Variants in NLRC5 observed in about 807,000 individuals in gnomAD.
NLRC5 encodes protein NLRC5.
A neutral mutation model predicts 206.9 loss-of-function variants in NLRC5; 114 were observed. That is an observed-to-expected ratio of 0.55 (90% CI 0.47 to 0.64). The LOEUF (loss-of-function observed/expected upper bound fraction) is 0.64, where lower values mean the gene tolerates loss of function less well. Ranked by LOEUF, NLRC5 falls within the 30% of genes least tolerant of loss-of-function variation. NLRC5 has a pLI of 0.00. For synonymous variants in NLRC5, 952 were observed against 962.8 expected (o/e 0.99, Z 0.21); for missense variants, 2,008 against 2,305.5 (o/e 0.87, Z 2.64).
At chr16:57,008,664 T>C (rs1003663646) in intron 1 of NLRC5, among the ~76,000 whole-genome samples, 28 of 152,322 alleles carry the variant, frequency 1.8e-4, no homozygotes, top group African/African-American at 6.3e-4. Flanking sequence ...CAAATTATAA[T>C]TTCAATCTAC....
intron 1 of NLRC5, among the ~76,000 whole-genome samples, chr16:57,001,532 C>T (rs373042182): frequency 4.6e-5 from 7 of 152,198 alleles, no homozygotes; most frequent in Non-Finnish European, 8.8e-5. Context: ...GCTGGAGAGA[C>T]GGAAGAAGCG....
rs552935621 is a variant in NLRC5, at chr16:57,031,564, G to T, written c.2477+101G>T. ...GACCAAGAGACTAGGAAGAGCTGGG[G>T]TATGGGAATTCTTCCTGCTACTGCT... On this transcript the variant is annotated intron_variant, in intron 11 of 48. Transcript: ENST00000688547. 115 of 1,126,230 alleles carry T rather than the reference G, an allele frequency of 1.0e-4. No homozygotes were observed. In the African/African-American group the frequency reaches 1.3e-3, roughly 13 times the overall value. The allele number at this position is 1,126,230 out of a possible 1,614,324, so 69.8% of individuals were successfully genotyped here. A position where few individuals can be genotyped will look rare whatever the true frequency, so the allele number is the denominator to read the frequency against.
At position 57,026,127 on chromosome 16, in the gene NLRC5, C is replaced by A; in HGVS notation, c.1184C>A (p.Thr395Lys). 1 of 1,614,130 alleles carries A rather than the reference C, an allele frequency of 6.2e-7. No homozygotes were observed. The highest frequency in any genetic ancestry group is 2.2e-5 in the East Asian group (1 of 44,886). ...SREGALVELQ[T>K]NGRLRSLCAV... is the part of the protein sequence containing the mutation. Reference sequence around the variant, plus strand: ...GAGGGGGCCCTGGTGGAGTTACAGACAAATGGACGTCTCCGAAGCCTGTGT... The same window carrying A: ...GAGGGGGCCCTGGTGGAGTTACAGAAAAATGGACGTCTCCGAAGCCTGTGT... The change falls in exon 6 of 49, where the codon ACA (threonine) becomes AAA (lysine). Residue 395 changes from threonine (T) to lysine (K), a missense_variant. By Grantham distance (78) the Thr-to-Lys change is moderately conservative. Coordinates refer to ENST00000688547, the MANE Select transcript of NLRC5 (RefSeq NM_001384950.1).
chr16:57,078,480 T>TTTTTTG (rs2068716970), intron 43 of NLRC5, among the ~76,000 whole-genome samples: 1 of 146,572 alleles, frequency 6.8e-6, no homozygotes, highest in Admixed American at 6.7e-5. Context: ...TTTTTTTTTT[T>TTTTTTG]TTTTTTTTTT....
intron 1 of NLRC5, among the ~76,000 whole-genome samples, chr16:57,015,920 C>A (rs1285616752): frequency 1.6e-4 from 5 of 31,968 alleles, no homozygotes; most frequent in Admixed American, 4.9e-4. Context: ...AATGAAACTC[C>A]ATCTCAAAAA....
chr16:57,041,216 TTCCTCTGATCTGC>T, intron 17 of NLRC5: 1 of 482,392 alleles, frequency 2.1e-6, no homozygotes, highest in East Asian at 3.5e-5. Context: ...CTTATCTGTC[TTCCTCTGATCTGC>T]TCTCTCTCTC....
At chr16:57,066,499 G>A in intron 33 of NLRC5, 35 bp from the exon 34 acceptor site, 1 of 1,605,626 alleles carries the variant, frequency 6.2e-7, no homozygotes, top group Non-Finnish European at 8.5e-7. Context: ...GGGGAAGGCT[G>A]CCCGACCTCA....
intron 21 of NLRC5, among the ~76,000 whole-genome samples, 165 bp downstream of exon 21, chr16:57,045,657 C>A (rs577751608): frequency 3.9e-5 from 6 of 152,300 alleles, no homozygotes; most frequent in East Asian, 1.9e-4. Context: ...CCGCCCCCCC[C>A]ATAAATTGTC....
Position 57,026,658 on chromosome 16 carries a change from C to T in NLRC5, c.1715C>T (p.Thr572Ile), listed in dbSNP as rs544882810. 9 of 1,614,046 alleles carry T rather than the reference C, an allele frequency of 5.6e-6. No homozygotes were observed. In the South Asian group the frequency reaches 7.7e-5, roughly 14 times the overall value. Reference protein sequence around the residue: ...PTFLAGLASCTCRPFLSHLAQ... With the variant: ...PTFLAGLASCICRPFLSHLAQ... ...TTCCTGGCGGGCCTGGCATCCTGCA[C>T]CTGCCGCCCCTTCCTTAGCCACCTG... The change falls in exon 6 of 49, where the codon ACC (threonine) becomes ATC (isoleucine). Residue 572 changes from threonine to isoleucine, a missense_variant. Thr to Ile is a moderately conservative substitution (Grantham distance 89). Coordinates refer to ENST00000688547, the MANE Select transcript of NLRC5 (RefSeq NM_001384950.1).
At position 56,994,318 on chromosome 16, in the gene NLRC5, GGAATGC is replaced by G. The variant is rs2057335005; in HGVS notation, c.-128+4702_-128+4707del. 5.9e-5 allele frequency among the ~76,000 whole-genome samples: 9 copies of G among 152,328 alleles called. No individual in the cohort carries two copies. The South Asian group carries it at 1.7e-3, about 28-fold the overall frequency. The stretch of plus-strand genomic sequence containing the variant: ...CAAAAGGGCATTTTCGGTGAGTCCA[GGAATGC>G]CCTCTGCTCCGTGTGAGGCAGGTAC... On this transcript the variant is annotated intron_variant, in intron 1 of 48. Transcript: ENST00000688547.
At chr16:57,013,022 A>G (rs907391164) in intron 1 of NLRC5, 4 of 166,370 alleles carry the variant, frequency 2.4e-5, no homozygotes, top group Non-Finnish European at 4.0e-5. Flanking sequence ...ATATTTTTAT[A>G]CTACAAAGTG....
intron 1 of NLRC5, among the ~76,000 whole-genome samples, chr16:57,003,038 TA>T (rs1239004809): frequency 7.0e-6 from 1 of 143,568 alleles, no homozygotes; most frequent in African/African-American, 2.5e-5. Flanking sequence ...TTTCTCCACA[TA>T]GATTGAGGTG....
chr16:57,069,209 T>C (rs758843110), intron 36 of NLRC5, among the ~76,000 whole-genome samples: 1 of 152,244 alleles, frequency 6.6e-6, no homozygotes, highest in Non-Finnish European at 1.5e-5. Context: ...CAGCCGTTAA[T>C]AAATCTTACT....
intron 40 of NLRC5, 87 bp downstream of exon 40, chr16:57,076,989 G>A: frequency 8.6e-7 from 1 of 1,169,386 alleles, no homozygotes; most frequent in Non-Finnish European, 1.3e-6. Flanking sequence ...CACGCCCTTT[G>A]CTTCTTCATC....
chr16:57,047,579 AC>A lies in NLRC5; in HGVS notation c.3376del (p.Arg1126AlafsTer6). ...SECPLEPPSL[T>X]RLCATLKDCP... ...GTGTCCTCTGGAGCCCCCAAGCCTC[AC>A]CCGCCTCTGTGCCACTCTGAAGGAC... On this transcript the variant is annotated frameshift_variant, in exon 23 of 49. Transcript: ENST00000688547. LOFTEE classifies it high-confidence loss of function. 1 of 1,603,294 alleles carries A rather than the reference AC, an allele frequency of 6.2e-7. No homozygotes were observed. Among genetic ancestry groups the A allele is most frequent in the South Asian group, 1.1e-5 (1 of 89,646 alleles).
chr16:57,000,053 G>A (rs1480201030), intron 1 of NLRC5, among the ~76,000 whole-genome samples: 4 of 152,178 alleles, frequency 2.6e-5, no homozygotes, highest in Admixed American at 6.5e-5. Context: ...CCCAGGTGAT[G>A]CCGTCGTGCA....
At chr16:57,066,262 A>G (rs2067069586) in intron 33 of NLRC5, among the ~76,000 whole-genome samples, 1 of 151,790 alleles carries the variant, frequency 6.6e-6, no homozygotes, top group South Asian at 2.1e-4. Context: ...GATCGTGCCC[A>G]CCACTGCACT....
chr16:57,007,559 T>C (rs1402925249), intron 1 of NLRC5, among the ~76,000 whole-genome samples: 8 of 150,822 alleles, frequency 5.3e-5, no homozygotes, highest in Admixed American at 4.7e-4. Context: ...TCAGTCTCTA[T>C]TAAAAATACA....
In NLRC5 at chr16:56,991,678, CTTTTTTTTTTT is replaced by C. The variant is rs35559322; in HGVS notation, c.-128+2074_-128+2084del. On this transcript the variant is annotated intron_variant, in intron 1 of 48. Coordinates refer to ENST00000688547, the MANE Select transcript of NLRC5 (RefSeq NM_001384950.1). Reference sequence around the variant, plus strand: ...GGCGTGAGCCATCTTGCCCGGACTCCTTTTTTTTTTTTTTTTTTTTTTTAATAGACATGAGG... The same window carrying C: ...GGCGTGAGCCATCTTGCCCGGACTCCTTTTTTTTTTTTAATAGACATGAGG... Among the ~76,000 whole-genome samples the C allele has an allele frequency of 4.7e-5, 5 of 105,648 alleles. No individual in the cohort carries two copies. The Admixed American group carries it at 5.4e-4, about 11-fold the overall frequency. 69.3% of individuals were successfully genotyped at this position (105,648 alleles called of 152,430 possible). A position where few individuals can be genotyped will look rare whatever the true frequency, so the allele number is the denominator to read the frequency against.
Sources: allele counts gnomAD v4.1 joint callset (sites outside exome capture counted in the v4.1 genomes callset), GRCh38; gene constraint gnomAD v4.1.1; transcripts MANE v1.5; gene names NCBI Gene and HGNC (gene_info 2026-07-23, HGNC 2026-07-21).